Variants in PATJ observed in about 807,000 individuals in gnomAD.
The protein encoded by PATJ is PATJ crumbs cell polarity complex component.
In PATJ, 190 loss-of-function variants were observed where a neutral mutation model predicts 224.9. That is an observed-to-expected ratio of 0.84 (90% CI 0.75 to 0.95). PATJ has a LOEUF of 0.95. Ranked by LOEUF, PATJ falls within the 40% of genes least tolerant of loss-of-function variation. The pLI is 0.00. For synonymous variants in PATJ, 769 were observed against 820.3 expected, an observed-to-expected ratio of 0.94 and a Z score of 1.07; for missense variants, 2,121 against 2,270.3, an observed-to-expected ratio of 0.93 and a Z score of 1.34.
chr1:61,846,302 T>C (rs1661942805), intron 17 of PATJ: 1 of 152,292 alleles, frequency 6.6e-6, no homozygotes, highest in South Asian at 2.1e-4. Flanking sequence ...TTGATCACTA[T>C]CATTCGGCTA....
At chr1:62,014,087 A>G (rs1646623002) in intron 28 of PATJ, among the ~76,000 whole-genome samples, 1 of 151,470 alleles carries the variant, frequency 6.6e-6, no homozygotes, top group Non-Finnish European at 1.5e-5. Context: ...CATTCTTCTC[A>G]CTCTGTCAAT....
chr1:62,033,939 A>AC (rs1286577140), intron 29 of PATJ, among the ~76,000 whole-genome samples: 20 of 152,284 alleles, frequency 1.3e-4, no homozygotes, highest in African/African-American at 4.8e-4. Flanking sequence ...AAGTAATTTT[A>AC]ACAGAGCATG....
intron 27 of PATJ, among the ~76,000 whole-genome samples, chr1:61,980,507 T>C (rs940208561): frequency 1.3e-5 from 2 of 151,206 alleles, no homozygotes; most frequent in Non-Finnish European, 2.9e-5. Context: ...GTAAACAAAG[T>C]ATGGGTTCTT....
At chr1:61,905,179 A>G (rs1340816030) in intron 24 of PATJ, among the ~76,000 whole-genome samples, 2 of 152,238 alleles carry the variant, frequency 1.3e-5, no homozygotes, top group African/African-American at 4.8e-5. Context: ...GAACTCCAAG[A>G]TCAAGGCATT....
At chr1:62,062,205 CAATA>C (rs113606629) in intron 31 of PATJ, among the ~76,000 whole-genome samples, 16,461 of 151,812 alleles carry the variant, frequency 0.11, 1,765 homozygotes, top group African/African-American at 0.27. Context: ...ACATTCCCAC[CAATA>C]AATAGCATAT....
chr1:61,914,586 G>T lies in PATJ; in HGVS notation c.3493-1G>T. On this transcript the variant is annotated splice_acceptor_variant, in intron 25 of 43. Transcript: ENST00000642238. LOFTEE classifies it high-confidence loss of function. ...CCCCACCCCTTTTTTTGTCACCATA[G>T]GTCATTCCTAACGTACATAACAAGG... 6.8e-7 allele frequency: 1 copy of T among 1,476,892 alleles called. No homozygotes were observed. The highest frequency in any genetic ancestry group is 9.4e-7 in the Non-Finnish European group (1 of 1,063,274). The allele number at this position is 1,476,892 out of a possible 1,614,324, so 91.5% of individuals were successfully genotyped here. A position where few individuals can be genotyped will look rare whatever the true frequency, so the allele number is the denominator to read the frequency against.
intron 27 of PATJ, among the ~76,000 whole-genome samples, chr1:61,951,270 T>C (rs1477298303): frequency 6.6e-6 from 1 of 152,166 alleles, no homozygotes; most frequent in Admixed American, 6.5e-5. Flanking sequence ...TTTTTATTGT[T>C]TTTTTTATTC....
At chr1:62,101,504 C>T (rs1662177221) in intron 33 of PATJ, among the ~76,000 whole-genome samples, 1 of 152,122 alleles carries the variant, frequency 6.6e-6, no homozygotes, top group Non-Finnish European at 1.5e-5. Context: ...CTCAGGTCAT[C>T]TGCCTGCCTC....
intron 36 of PATJ, 30 bp from the exon 37 acceptor site, chr1:62,117,102 T>C (rs757590228): frequency 1.3e-6 from 2 of 1,553,466 alleles, no homozygotes; most frequent in African/African-American, 2.7e-5. Context: ...CTACTACTTT[T>C]CATTTCTGTT....
intron 28 of PATJ, among the ~76,000 whole-genome samples, chr1:61,996,846 G>A (rs112481605): frequency 1.0e-4 from 15 of 148,324 alleles, no homozygotes; most frequent in African/African-American, 3.7e-4. Context: ...AGGTCCAAGT[G>A]ATTCTTGTGC....
At chr1:61,950,136 G>A (rs562232464) in intron 27 of PATJ, among the ~76,000 whole-genome samples, 61 of 151,008 alleles carry the variant, frequency 4.0e-4, no homozygotes, top group African/African-American at 1.4e-3. Flanking sequence ...CCCAGGAGGC[G>A]GAGGTTGCGG....
intron 35 of PATJ, among the ~76,000 whole-genome samples, chr1:62,116,000 A>C (rs1292950507): frequency 6.6e-6 from 1 of 152,198 alleles, no homozygotes; most frequent in Non-Finnish European, 1.5e-5. Flanking sequence ...TGACAGAGCC[A>C]GTGTTGAAGT....
intron 12 of PATJ, among the ~76,000 whole-genome samples, chr1:61,802,000 A>G (rs1652629253): frequency 6.7e-6 from 1 of 149,934 alleles, no homozygotes; most frequent in African/African-American, 2.5e-5. Context: ...GGTTTGTTAC[A>G]TATGTATACA....
chr1:61,841,837 T>C (rs187259785), intron 17 of PATJ, among the ~76,000 whole-genome samples: 28 of 152,328 alleles, frequency 1.8e-4, no homozygotes, highest in African/African-American at 6.7e-4. Flanking sequence ...CACATTTATT[T>C]TTATTAACAT....
chr1:61,899,631 T>A lies in PATJ; in HGVS notation c.3180T>A (p.Phe1060Leu). The change falls in exon 23 of 44, where the codon TTT (phenylalanine) becomes TTA (leucine). Residue 1060 changes from phenylalanine (F) to leucine (L), a missense_variant. Coordinates refer to ENST00000642238, the MANE Select transcript of PATJ (RefSeq NM_001350145.3). ...EEGEGEETPN[F>L]SHWGPPRIVE... ...GCGAAGGAGAAGAAACTCCAAATTT[T>A]AGCCACTGGGGTCCACCGAGAATGT... 1 of 1,611,014 alleles carries A rather than the reference T, an allele frequency of 6.2e-7. No individual in the cohort carries two copies. The highest frequency in any genetic ancestry group is 1.1e-5 in the South Asian group (1 of 90,844).
intron 9 of PATJ, among the ~76,000 whole-genome samples, chr1:61,795,120 AAAG>A (rs1328359883): frequency 2.6e-5 from 4 of 151,248 alleles, no homozygotes; most frequent in South Asian, 2.1e-4. Flanking sequence ...AAAAAAAAAA[AAAG>A]AAGTTTTATG....
At chr1:62,044,784 A>G (rs1652203994) in intron 30 of PATJ, among the ~76,000 whole-genome samples, 1 of 152,186 alleles carries the variant, frequency 6.6e-6, no homozygotes, top group Non-Finnish European at 1.5e-5. Context: ...AAATAAGCTC[A>G]CGTTTGGGGT....
At chr1:62,103,938 C>G (rs1304081076) in intron 33 of PATJ, among the ~76,000 whole-genome samples, 1 of 152,164 alleles carries the variant, frequency 6.6e-6, no homozygotes, top group Non-Finnish European at 1.5e-5. Context: ...CCAAAGAAGT[C>G]TGACTCCAGA....
intron 15 of PATJ, among the ~76,000 whole-genome samples, chr1:61,824,873 C>G (rs911513571): frequency 1.3e-5 from 2 of 152,054 alleles, no homozygotes; most frequent in African/African-American, 4.8e-5. Flanking sequence ...ATGATTTAGC[C>G]AAGACTAGGA....
Sources: allele counts gnomAD v4.1 joint callset (sites outside exome capture counted in the v4.1 genomes callset), GRCh38; gene constraint gnomAD v4.1.1; transcripts MANE v1.5; gene names NCBI Gene and HGNC (gene_info 2026-07-23, HGNC 2026-07-21).